IRAK4: variants seen among roughly 807,000 people sequenced by gnomAD.
The protein encoded by IRAK4 is interleukin-1 receptor-associated kinase 4.
Under a neutral mutation model 51.8 loss-of-function variants are expected in IRAK4, and 44 were observed. That is an observed-to-expected ratio of 0.85 (90% CI 0.67 to 1.09). The LOEUF (loss-of-function observed/expected upper bound fraction) is 1.09. Among genes scored for constraint, IRAK4 ranks in the 50% least tolerant of loss-of-function variants. The pLI, the probability that IRAK4 is intolerant of heterozygous loss-of-function variation, is 0.00. For synonymous variants in IRAK4, 149 were observed against 174.1 expected, an observed-to-expected ratio of 0.86 and a Z score of 1.13; for missense variants, 487 against 538.0, an observed-to-expected ratio of 0.91 and a Z score of 0.94.
At position 43,777,799 on chromosome 12, in the gene IRAK4, A is replaced by T. The variant is rs4251500; in HGVS notation, c.831+55A>T. ...CTTTTTGTTTATATGCTGGAATATT[A>T]ATATTCATTTTGTTACTGGATTATT... On this transcript the variant is annotated intron_variant, in intron 7 of 11. Transcript: ENST00000613694. 0.062 allele frequency: 84,544 copies of T among 1,357,412 alleles called. 3,107 individuals carry two copies. Among genetic ancestry groups the T allele is most frequent in the Middle Eastern group, 0.1 (574 of 5,570 alleles). 84.1% of individuals were successfully genotyped at this position (1,357,412 alleles called of 1,614,324 possible). A position where few individuals can be genotyped will look rare whatever the true frequency, so the allele number is the denominator to read the frequency against.
intron 10 of IRAK4, among the ~76,000 whole-genome samples, chr12:43,784,909 T>C (rs901617935): frequency 5.3e-5 from 8 of 152,200 alleles, no homozygotes; most frequent in Non-Finnish European, 7.3e-5. Flanking sequence ...TTGAAAGTGG[T>C]TTTGAAGAGT....
intron 1 of IRAK4, chr12:43,763,296 G>A (rs1259493435): frequency 1.3e-5 from 2 of 152,174 alleles, no homozygotes; most frequent in African/African-American, 2.4e-5. Flanking sequence ...ATATGTCTGT[G>A]TGAAGCTGGA....
At chr12:43,775,975 A>T (rs1409628376) in intron 6 of IRAK4, among the ~76,000 whole-genome samples, 1 of 138,192 alleles carries the variant, frequency 7.2e-6, no homozygotes, top group Non-Finnish European at 1.5e-5. Flanking sequence ...TCCGCCTCCC[A>T]GGTTCACGCC....
At chr12:43,779,112 A>C (rs1450659101) in intron 8 of IRAK4, among the ~76,000 whole-genome samples, 1 of 152,162 alleles carries the variant, frequency 6.6e-6, no homozygotes, top group Non-Finnish European at 1.5e-5. Flanking sequence ...CTCTACAAAA[A>C]AACTAGTCAA....
chr12:43,766,198 T>G (rs1214544955), intron 1 of IRAK4, among the ~76,000 whole-genome samples: 1 of 152,182 alleles, frequency 6.6e-6, no homozygotes, highest in East Asian at 1.9e-4. Context: ...CCTGCTACCT[T>G]TCCACCCTCA....
At chr12:43,774,285 C>T (rs1369960010) in intron 6 of IRAK4, among the ~76,000 whole-genome samples, 1 of 152,120 alleles carries the variant, frequency 6.6e-6, no homozygotes, top group Non-Finnish European at 1.5e-5. Context: ...CGCTCTTTTG[C>T]CCAAGCTGGA....
rs1222563883 is a variant in IRAK4 at position 43,772,314 on chromosome 12, C to T, written c.442C>T (p.Pro148Ser). The part of the protein sequence containing the change: ...VQNLEQSYMP[P>S]DSSSPENKSL... ...GAATCTTGAACAAAGCTATATGCCA[C>T]CTGACTCCTCAAGTCCAGAAAATAA... The change falls in exon 4 of 12, where the codon CCT becomes TCT. Residue 148 changes from proline to serine, a missense_variant. Pro to Ser is a moderately conservative substitution (Grantham distance 74). Coordinates refer to ENST00000613694, the MANE Select transcript of IRAK4 (RefSeq NM_016123.4). 1 of 1,613,688 alleles carries T rather than the reference C, an allele frequency of 6.2e-7. No homozygotes were observed. Among genetic ancestry groups the T allele is most frequent in the Non-Finnish European group, 8.5e-7 (1 of 1,179,932 alleles).
At chr12:43,773,943 A>C (rs764757474) in intron 5 of IRAK4, 22 bp from the exon 6 acceptor site, 18 of 1,486,108 alleles carry the variant, frequency 1.2e-5, no homozygotes, top group Non-Finnish European at 1.7e-5. Context: ...GTAGTATTAC[A>C]TTGTATATTT....
intron 1 of IRAK4, among the ~76,000 whole-genome samples, chr12:43,766,688 G>A (rs1940185183): frequency 6.6e-6 from 1 of 152,154 alleles, no homozygotes; most frequent in Non-Finnish European, 1.5e-5. Flanking sequence ...AGACATAATT[G>A]TAAGTCCTGG....
At chr12:43,780,986 C>G (rs1362359157) in intron 8 of IRAK4, among the ~76,000 whole-genome samples, 1 of 152,134 alleles carries the variant, frequency 6.6e-6, no homozygotes, top group Non-Finnish European at 1.5e-5. Flanking sequence ...TATCCCCGTA[C>G]CAAAAACACT....
At chr12:43,771,632 G>A (rs1346181265) in intron 3 of IRAK4, among the ~76,000 whole-genome samples, 14 of 152,128 alleles carry the variant, frequency 9.2e-5, no homozygotes, top group Non-Finnish European at 1.8e-4. Context: ...CATACTTCTG[G>A]CTTAGGCTGT....
Position 43,787,249 on chromosome 12 carries a change from A to C in IRAK4, c.*534A>C, listed in dbSNP as rs919923725. 6 of 154,644 alleles carry C rather than the reference A, an allele frequency of 3.9e-5. No homozygotes were observed. The highest frequency in any genetic ancestry group is 1.4e-4 in the African/African-American group (6 of 41,474). 9.6% of individuals were successfully genotyped at this position (154,644 alleles called of 1,614,324 possible). ...ATAGAGCCAGTTACAAAATCCTATT[A>C]GTCATATATTTATAGATTGTGTTCA... On this transcript the variant is annotated 3_prime_UTR_variant, in exon 12 of 12. Coordinates refer to ENST00000613694, the MANE Select transcript of IRAK4 (RefSeq NM_016123.4).
chr12:43,772,179 G>T lies in IRAK4; in HGVS notation c.308-1G>T. On this transcript the variant is annotated splice_acceptor_variant, in intron 3 of 11. Coordinates refer to ENST00000613694, the MANE Select transcript of IRAK4 (RefSeq NM_016123.4). LOFTEE classifies it high-confidence loss of function. ...CACTTGTATCTTACTTCATTTGTTAGATGCTGTTCCCAAAACTGCTAATAC... is the reference window on the plus strand; with the variant it reads ...CACTTGTATCTTACTTCATTTGTTATATGCTGTTCCCAAAACTGCTAATAC... 1.2e-6 allele frequency: 2 copies of T among 1,611,902 alleles called. No individual in the cohort carries two copies. Among genetic ancestry groups the T allele is most frequent in the Non-Finnish European group, 1.7e-6 (2 of 1,178,844 alleles).
At chr12:43,776,479 G>A (rs1056445360) in intron 6 of IRAK4, among the ~76,000 whole-genome samples, 1 of 152,290 alleles carries the variant, frequency 6.6e-6, no homozygotes, top group Non-Finnish European at 1.5e-5. Context: ...TTGATATAAT[G>A]AACTGCTAGA....
intron 9 of IRAK4, 107 bp downstream of exon 9, chr12:43,782,597 A>T (rs1430050511): frequency 1.0e-6 from 1 of 956,322 alleles, no homozygotes; most frequent in Non-Finnish European, 1.6e-6. Flanking sequence ...CTTATGTAAC[A>T]ATATAAGTTT....
At chr12:43,768,006 G>A (rs1391888383) in intron 1 of IRAK4, 97 bp from the exon 2 acceptor site, 3 of 845,574 alleles carry the variant, frequency 3.5e-6, no homozygotes, top group Non-Finnish European at 5.9e-6. Flanking sequence ...ATCAGTTGCT[G>A]ACATTTCATA....
At chr12:43,772,842 A>G (rs1940909110) in intron 4 of IRAK4, 70 bp from the exon 5 acceptor site, 1 of 1,136,502 alleles carries the variant, frequency 8.8e-7, no homozygotes, top group Non-Finnish European at 1.3e-6. Flanking sequence ...GAAATCTTCA[A>G]ATGAGAAAAT....
intron 9 of IRAK4, 42 bp downstream of exon 9, chr12:43,782,532 T>A: frequency 6.8e-7 from 1 of 1,462,274 alleles, no homozygotes; most frequent in Non-Finnish European, 9.5e-7. Context: ...ATCATTCTGC[T>A]ATAATTGTGA....
chr12:43,773,132 G>T, intron 5 of IRAK4, 60 bp downstream of exon 5: 1 of 1,413,682 alleles, frequency 7.1e-7, no homozygotes, highest in South Asian at 1.2e-5. Context: ...CCTATAATAG[G>T]TTTTAAAGTT....
Sources: allele counts gnomAD v4.1 joint callset (sites outside exome capture counted in the v4.1 genomes callset), GRCh38; gene constraint gnomAD v4.1.1; transcripts MANE v1.5; gene names NCBI Gene and HGNC (gene_info 2026-07-23, HGNC 2026-07-21).